MADD: variants seen among roughly 807,000 people sequenced by gnomAD.
The protein encoded by MADD is MAP kinase-activating death domain protein.
Under a neutral mutation model 176.7 loss-of-function variants are expected in MADD, and 109 were observed. The ratio of observed to expected loss-of-function variants is 0.62; its 90% CI spans 0.53 to 0.72. The LOEUF is 0.72. Ranked by LOEUF, MADD falls within the 30% of genes least tolerant of loss-of-function variation. The probability of loss-of-function intolerance (pLI) is 0.00; values close to 1 mark genes in which losing one functional copy is unlikely to be tolerated. For synonymous variants in MADD, 771 were observed against 771.3 expected (o/e 1.00, Z 0.01); for missense variants, 1,914 against 2,045.5 (o/e 0.94, Z 1.24).
chr11:47,299,890 C>T (rs752797456), intron 22 of MADD, among the ~76,000 whole-genome samples: 11 of 152,112 alleles, frequency 7.2e-5, no homozygotes, highest in Non-Finnish European at 1.3e-4. Context: ...ATTTCTTTCT[C>T]TGGCCAATTG....
rs192432477 is a variant in MADD, at chr11:47,280,147, A to C, written c.1290+1068A>C. ...TTGATTGATTTTCTTCTTCCTCTGC[A>C]TGCTGAACACAGTACCTGAAGGTAA... is the stretch of plus-strand genomic sequence containing the variant. On this transcript the variant is annotated intron_variant, in intron 7 of 32. Transcript: ENST00000402192. Among the ~76,000 whole-genome samples the C allele has an allele frequency of 2.4e-3, 360 of 152,288 alleles. 2 individuals carry two copies. The highest frequency in any genetic ancestry group is 8.2e-3 in the African/African-American group (341 of 41,546).
intron 27 of MADD, among the ~76,000 whole-genome samples, chr11:47,316,006 T>C (rs2092749526): frequency 6.6e-6 from 1 of 151,524 alleles, no homozygotes; most frequent in Non-Finnish European, 1.5e-5. Context: ...CAATTTTTTG[T>C]ATTTTAGTAG....
chr11:47,284,434 C>G, exon 12 of MADD: 3 of 1,614,132 alleles, frequency 1.9e-6, no homozygotes, highest in Non-Finnish European at 2.5e-6. Context: ...GATTGACGAG[C>G]TGCAGAATCA....
intron 1 of MADD, chr11:47,272,185 T>G (rs1965165510): frequency 6.6e-6 from 1 of 152,256 alleles, no homozygotes; most frequent in South Asian, 2.1e-4. Context: ...CACTGTGCGG[T>G]CACCAAGCAG....
In MADD at chr11:47,289,861, C is replaced by A; in HGVS notation, c.2757-6C>A. The A allele has an allele frequency of 6.2e-7, 1 of 1,613,106 alleles. No homozygotes were observed. The highest frequency in any genetic ancestry group is 8.5e-7 in the Non-Finnish European group (1 of 1,179,890). On this transcript the variant is annotated splice_polypyrimidine_tract_variant and splice_region_variant and intron_variant, in intron 16 of 32. Transcript: ENST00000402192. ...TGACCACAGAAGCGGTGTGTGGACC[C>A]TGTAGTGAGAACCAGCAGTTCCTGA...
chr11:47,306,454 C>T (rs2082714877), intron 22 of MADD, among the ~76,000 whole-genome samples: 1 of 152,206 alleles, frequency 6.6e-6, no homozygotes, highest in South Asian at 2.1e-4. Flanking sequence ...CTGGAGGGAG[C>T]ACAGCTGTAT....
rs372595819 is a variant in MADD, at chr11:47,305,917, A to G, written c.3643-2674A>G. ...AGCTGCTCAGCTTGGCCAGCCACCA[A>G]TTCCCCTGGGGACAATGTGCTGCTT... is the stretch of plus-strand genomic sequence containing the variant. On this transcript the variant is annotated intron_variant, in intron 22 of 32. Coordinates refer to ENST00000402192, the Ensembl canonical transcript of MADD. 9.9e-5 allele frequency among the ~76,000 whole-genome samples: 15 copies of G among 152,250 alleles called. No homozygotes were observed. The South Asian group carries it at 2.7e-3, about 27-fold the overall frequency.
chr11:47,287,809 A>G (rs2061849290), intron 15 of MADD, among the ~76,000 whole-genome samples: 2 of 59,164 alleles, frequency 3.4e-5, no homozygotes, highest in South Asian at 6.1e-4. Context: ...TTTTTTTTTG[A>G]GACAAGAGTC....
chr11:47,329,343 C>G, exon 33 of MADD: 2 of 591,074 alleles, frequency 3.4e-6, no homozygotes, highest in Non-Finnish European at 6.1e-6. Context: ...CCTTCTCCCT[C>G]TCCACTCCCA....
Position 47,286,642 on chromosome 11 carries a change from G to A in MADD, c.2653+108G>A, listed in dbSNP as rs566610688. On this transcript the variant is annotated intron_variant, in intron 15 of 32. Transcript: ENST00000402192. The stretch of plus-strand genomic sequence containing the variant: ...TGCTGAATCCTTTGACCTGGTTGTC[G>A]TCCCTCATGTTGCTCCTCATGGCTT... 1.1e-4 allele frequency: 82 copies of A among 768,888 alleles called. No individual in the cohort carries two copies. In the African/African-American group the frequency reaches 1.1e-3, roughly 10 times the overall value. 47.6% of individuals were successfully genotyped at this position (768,888 alleles called of 1,614,324 possible).
intron 27 of MADD, 92 bp downstream of exon 30, chr11:47,315,419 T>G: frequency 1.5e-6 from 1 of 675,380 alleles, no homozygotes; most frequent in Middle Eastern, 2.6e-4. Flanking sequence ...CTCATTTATC[T>G]CATTCATCTT....
intron 1 of MADD, 141 bp from the exon 2 acceptor site, chr11:47,273,686 G>T (rs575250069): frequency 2.2e-4 from 102 of 462,322 alleles, no homozygotes; most frequent in Non-Finnish European, 3.8e-4. Context: ...TAGACACGAG[G>T]CTAGGCAAGC....
chr11:47,293,903 G>A (rs2138989904), exon 20 of MADD: 2 of 1,614,028 alleles, frequency 1.2e-6, no homozygotes, highest in Non-Finnish European at 1.7e-6. Context: ...AATCAAACCT[G>A]TCTTTGACCT....
At chr11:47,278,707 G>A (rs2053051452) in intron 6 of MADD, among the ~76,000 whole-genome samples, 1 of 151,950 alleles carries the variant, frequency 6.6e-6, no homozygotes, top group African/African-American at 2.4e-5. Flanking sequence ...GCCCTTATGT[G>A]TGCTCATTGT....
intron 22 of MADD, among the ~76,000 whole-genome samples, chr11:47,297,684 G>A (rs1220620534): frequency 6.6e-6 from 1 of 151,614 alleles, no homozygotes; most frequent in African/African-American, 2.4e-5. Flanking sequence ...CTGACTTCGT[G>A]ATCTGCTCGC....
intron 1 of MADD, chr11:47,272,406 C>CT (rs1252867066): frequency 6.6e-6 from 1 of 152,140 alleles, no homozygotes; most frequent in African/African-American, 2.4e-5. Flanking sequence ...CAAATAGGGC[C>CT]TTAAGCATCC....
intron 22 of MADD, among the ~76,000 whole-genome samples, chr11:47,305,837 A>G (rs2082204548): frequency 2.0e-5 from 3 of 152,138 alleles, no homozygotes; most frequent in Non-Finnish European, 4.4e-5. Flanking sequence ...CAGCTCAGCC[A>G]CTGCTCTGTT....
chr11:47,285,874 C>G (rs921923055), intron 14 of MADD, among the ~76,000 whole-genome samples: 2 of 152,194 alleles, frequency 1.3e-5, no homozygotes, highest in African/African-American at 4.8e-5. Context: ...CACACTTGTA[C>G]TTATATTTTG....
At chr11:47,288,848 G>A in intron 15 of MADD, 120 bp from the exon 16 acceptor site, 1 of 776,696 alleles carries the variant, frequency 1.3e-6, no homozygotes, top group South Asian at 1.7e-5. Flanking sequence ...AAGAACCAAG[G>A]TTATGTGCAT....
Sources: gnomAD v4.1 joint callset for allele counts (sites outside exome capture counted in the v4.1 genomes callset) on GRCh38, gnomAD v4.1.1 for gene constraint, MANE v1.5 for transcripts, NCBI Gene and HGNC (gene_info 2026-07-23, HGNC 2026-07-21) for gene names.